TRIO: variants seen among roughly 807,000 people sequenced by gnomAD.
TRIO encodes the protein trio Rho guanine nucleotide exchange factor, also known as triple functional domain protein.
In TRIO, 58 loss-of-function variants were observed where a neutral mutation model predicts 351.9. The ratio of observed to expected loss-of-function variants is 0.16; its 90% CI spans 0.13 to 0.21. TRIO has a LOEUF of 0.21. Ranked by LOEUF, TRIO falls within the 10% of genes least tolerant of loss-of-function variation. The probability of loss-of-function intolerance (pLI) is 1.00; values close to 1 mark genes in which losing one functional copy is unlikely to be tolerated. For missense variants in TRIO, 3,201 were observed against 4,027.8 expected (o/e 0.79, Z 5.56); for synonymous variants, 1,758 against 1,595.7 (o/e 1.10, Z -2.42).
At chr5:14,458,041 CTT>C (rs150710417) in intron 34 of TRIO, among the ~76,000 whole-genome samples, 12 of 137,748 alleles carry the variant, frequency 8.7e-5, no homozygotes, top group Non-Finnish European at 7.9e-5. Flanking sequence ...GGGCCTGGGT[CTT>C]TTTTTTTTTT....
intron 1 of TRIO, among the ~76,000 whole-genome samples, chr5:14,217,046 A>G (rs1792269716): frequency 6.6e-6 from 1 of 152,180 alleles, no homozygotes; most frequent in African/African-American, 2.4e-5. Flanking sequence ...CTGGTATGTG[A>G]GCAGAGGCCC....
At chr5:14,460,943 T>C in intron 34 of TRIO, 76 bp from the exon 35 acceptor site, 1 of 1,434,698 alleles carries the variant, frequency 7.0e-7, no homozygotes, top group Middle Eastern at 1.8e-4. Context: ...CCCTGCAGCC[T>C]GCGGGATAAT....
Position 14,230,793 on chromosome 5 carries a change from A to G in TRIO, c.158-40032A>G, listed in dbSNP as rs556514236. ...CTTAATCGTTTTGTAAGGTGTGTTG[A>G]AAATAATTTATACCAATTGTAATTA... On this transcript the variant is annotated intron_variant, in intron 1 of 56. Coordinates refer to ENST00000344204, the MANE Select transcript of TRIO (RefSeq NM_007118.4). 7.6e-4 allele frequency among the ~76,000 whole-genome samples: 116 copies of G among 152,278 alleles called. 2 individuals carry two copies. The South Asian group carries it at 0.014, about 18-fold the overall frequency.
intron 1 of TRIO, among the ~76,000 whole-genome samples, chr5:14,201,184 C>T (rs1020303646): frequency 2.3e-4 from 35 of 151,976 alleles, no homozygotes; most frequent in Admixed American, 5.9e-4. Context: ...CGCTTGAACC[C>T]GGGAGGCAGA....
intron 1 of TRIO, among the ~76,000 whole-genome samples, chr5:14,158,728 G>A (rs1788258887): frequency 6.6e-6 from 1 of 152,176 alleles, no homozygotes; most frequent in Non-Finnish European, 1.5e-5. Context: ...CTGTTCAAGA[G>A]GCTGAGGTGG....
intron 13 of TRIO, among the ~76,000 whole-genome samples, chr5:14,361,662 G>C (rs1380640751): frequency 6.6e-6 from 1 of 152,164 alleles, no homozygotes; most frequent in Non-Finnish European, 1.5e-5. Flanking sequence ...GTTTCAATTG[G>C]AGTAGCGTCT....
Position 14,286,853 on chromosome 5 carries a change from T to C in TRIO, c.348-18T>C, listed in dbSNP as rs754454554. 6.2e-7 allele frequency: 1 copy of C among 1,607,286 alleles called. No individual in the cohort carries two copies. Among genetic ancestry groups the C allele is most frequent in the Non-Finnish European group, 8.5e-7 (1 of 1,176,178 alleles). ...AAGAGATGTAACCCGTCTTCAGCCA[T>C]GTTTTCTTTCTCTGCAGCGAGGAGG... On this transcript the variant is annotated intron_variant, in intron 3 of 56. Coordinates refer to ENST00000344204, the MANE Select transcript of TRIO (RefSeq NM_007118.4). This position sits in a 1 kb window ranked among gnomAD's most constrained non-coding sequence, Gnocchi z 4.4.
chr5:14,326,174 G>T lies in TRIO; in HGVS notation c.1732-4604G>T, dbSNP rs537792663. On this transcript the variant is annotated intron_variant, in intron 9 of 56. Transcript: ENST00000344204. ...GGGATCGCCCTACCCCTGGCTCACTGTGAGGATGGATGGCTCACTGCACAC... is the reference window on the plus strand; with the variant it reads ...GGGATCGCCCTACCCCTGGCTCACTTTGAGGATGGATGGCTCACTGCACAC... Among the ~76,000 whole-genome samples, 3 of 152,326 alleles carry T rather than the reference G, an allele frequency of 2.0e-5. No individual in the cohort carries two copies. In the East Asian group the frequency reaches 5.8e-4, roughly 29 times the overall value.
chr5:14,245,177 G>A lies in TRIO; in HGVS notation c.158-25648G>A, dbSNP rs76965256. 1.7e-4 allele frequency among the ~76,000 whole-genome samples: 26 copies of A among 152,290 alleles called. No individual in the cohort carries two copies. The East Asian group carries it at 3.1e-3, about 18-fold the overall frequency. Reference sequence around the variant, plus strand: ...TCTCAACTTTGAACATCCACTCGCCGTTCTGTGGTATATCCATTTGTCCCT... The same window carrying A: ...TCTCAACTTTGAACATCCACTCGCCATTCTGTGGTATATCCATTTGTCCCT... On this transcript the variant is annotated intron_variant, in intron 1 of 56. Coordinates refer to ENST00000344204, the MANE Select transcript of TRIO (RefSeq NM_007118.4).
chr5:14,358,198 G>C lies in TRIO; in HGVS notation c.2067G>C (p.Glu689Asp), dbSNP rs1743813042. ...CCCAGCTGTGGACGTGGCTGGAGGA[G>C]CTGCAGAAGGAGCTGCTGGACGACG... Reference protein sequence around the residue: ...HVKELWTWLEELQKELLDDVY... With the variant: ...HVKELWTWLEDLQKELLDDVY... Residue 689 changes from glutamate to aspartate, a missense_variant, in exon 12 of 57, where the codon GAG becomes GAC. This residue lies in a region of TRIO where 363 missense variants were observed against 553.5 expected (regional missense o/e 0.66). Transcript: ENST00000344204. 1 of 1,613,222 alleles carries C rather than the reference G, an allele frequency of 6.2e-7. No homozygotes were observed. The highest frequency in any genetic ancestry group is 1.3e-5 in the African/African-American group (1 of 74,896).
intron 1 of TRIO, among the ~76,000 whole-genome samples, chr5:14,184,466 T>C (rs943709064): frequency 2.0e-5 from 3 of 152,228 alleles, no homozygotes; most frequent in African/African-American, 4.8e-5. Flanking sequence ...TTTTAGAAAA[T>C]AATACTGAGC....
intron 34 of TRIO, among the ~76,000 whole-genome samples, chr5:14,438,355 TAGAC>T (rs1751760951): frequency 6.6e-6 from 1 of 152,240 alleles, no homozygotes; most frequent in African/African-American, 2.4e-5. Flanking sequence ...ACACGGCAGA[TAGAC>T]TCATTCAGCA....
intron 1 of TRIO, among the ~76,000 whole-genome samples, chr5:14,268,046 C>T (rs1581487845): frequency 1.3e-5 from 2 of 152,332 alleles, no homozygotes; most frequent in African/African-American, 4.8e-5. Context: ...ATAAGTTTCT[C>T]ATTAATTCAT....
At chr5:14,330,492 G>A (rs1007104473) in intron 9 of TRIO, among the ~76,000 whole-genome samples, 2 of 152,176 alleles carry the variant, frequency 1.3e-5, no homozygotes, top group South Asian at 4.1e-4. Context: ...GATAAGTTGA[G>A]ATTTAATTTA....
intron 1 of TRIO, among the ~76,000 whole-genome samples, chr5:14,254,771 A>G (rs1172713354): frequency 6.6e-6 from 1 of 152,176 alleles, no homozygotes; most frequent in Non-Finnish European, 1.5e-5. Flanking sequence ...ACGGGAAAAT[A>G]TATTTTTTAA....
chr5:14,196,690 G>A (rs1790794450), intron 1 of TRIO, among the ~76,000 whole-genome samples: 1 of 152,218 alleles, frequency 6.6e-6, no homozygotes, highest in Non-Finnish European at 1.5e-5. Context: ...TGCCTGCGAA[G>A]TTAGGTTACT....
At chr5:14,361,406 A>G (rs1182314369) in intron 13 of TRIO, among the ~76,000 whole-genome samples, 1 of 152,186 alleles carries the variant, frequency 6.6e-6, no homozygotes, top group Non-Finnish European at 1.5e-5. Flanking sequence ...AGGAAGCTGT[A>G]CCTGCAGCCC....
chr5:14,304,199 C>G (rs960002741), intron 7 of TRIO, among the ~76,000 whole-genome samples: 3 of 152,108 alleles, frequency 2.0e-5, no homozygotes, highest in African/African-American at 7.2e-5. Context: ...AGGGGCACAC[C>G]CAGACCTGGG....
At chr5:14,440,570 A>G (rs116338127) in intron 34 of TRIO, among the ~76,000 whole-genome samples, 2,536 of 152,374 alleles carry the variant, frequency 0.017, 57 homozygotes, top group African/African-American at 0.058. Context: ...TATAGTTCGC[A>G]TGCAAGAATT....
Sources: allele counts gnomAD v4.1 joint callset (sites outside exome capture counted in the v4.1 genomes callset), GRCh38; gene constraint gnomAD v4.1.1; regional missense constraint gnomAD v4.1.1; non-coding constraint Gnocchi (gnomAD v3.1); transcripts MANE v1.5; gene names NCBI Gene and HGNC (gene_info 2026-07-23, HGNC 2026-07-21).